Variants in FSTL5 observed in about 807,000 individuals in gnomAD.
The protein encoded by FSTL5 is follistatin like 5, also known as follistatin-related protein 5.
A neutral mutation model predicts 89.1 loss-of-function variants in FSTL5; 62 were observed. That is an observed-to-expected ratio of 0.70 (90% CI 0.57 to 0.86). The LOEUF is 0.86. Ranked by LOEUF, FSTL5 falls within the 40% of genes least tolerant of loss-of-function variation. FSTL5 has a pLI of 0.00. For missense variants in FSTL5, 1,057 were observed against 1,001.6 expected (o/e 1.06, Z -0.75); for synonymous variants, 383 against 346.2 (o/e 1.11, Z -1.18).
chr4:161,905,096 A>G (rs1733483843), intron 4 of FSTL5, among the ~76,000 whole-genome samples: 2 of 152,114 alleles, frequency 1.3e-5, no homozygotes, highest in South Asian at 4.1e-4. Flanking sequence ...CAGTTGGAAG[A>G]TATTATGCTG....
chr4:162,122,900 C>G (rs988077228), intron 1 of FSTL5, among the ~76,000 whole-genome samples: 1 of 152,072 alleles, frequency 6.6e-6, no homozygotes, highest in Non-Finnish European at 1.5e-5. Context: ...CCTTGAAGAT[C>G]TTTCCCTGGT....
chr4:161,792,276 C>T (rs1013621677), intron 4 of FSTL5, among the ~76,000 whole-genome samples: 6 of 152,098 alleles, frequency 3.9e-5, no homozygotes, highest in Non-Finnish European at 7.4e-5. Context: ...CAACAACAAG[C>T]AGGGGAAGAG....
At chr4:162,145,825 A>G (rs1732952077) in intron 1 of FSTL5, among the ~76,000 whole-genome samples, 1 of 152,184 alleles carries the variant, frequency 6.6e-6, no homozygotes. Flanking sequence ...AATGTGGTAA[A>G]GCTTAGAGTG....
chr4:161,505,474 T>C (rs1730447182), intron 11 of FSTL5, among the ~76,000 whole-genome samples: 1 of 152,188 alleles, frequency 6.6e-6, no homozygotes, highest in Non-Finnish European at 1.5e-5. Flanking sequence ...GACCACTATG[T>C]ATATTGGCCA....
Position 161,820,943 on chromosome 4 carries a change from C to CAA in FSTL5, c.410-44871_410-44870dup, listed in dbSNP as rs33975990. On this transcript the variant is annotated intron_variant, in intron 4 of 15. Coordinates refer to ENST00000306100, the MANE Select transcript of FSTL5 (RefSeq NM_020116.5). The stretch of plus-strand genomic sequence containing the variant: ...AATCAGATTTCAAAGATTGGTTGTC[C>CAA]AAAAAAAAAAAAAACCACCAAACTC... Among the ~76,000 whole-genome samples the CAA allele has an allele frequency of 3.6e-5, 5 of 138,940 alleles. No individual in the cohort carries two copies. The East Asian group carries it at 6.2e-4, about 17-fold the overall frequency. 91.2% of individuals were successfully genotyped at this position (138,940 alleles called of 152,430 possible).
intron 7 of FSTL5, among the ~76,000 whole-genome samples, chr4:161,606,678 G>C (rs1456752847): frequency 6.6e-6 from 1 of 152,064 alleles, no homozygotes; most frequent in East Asian, 1.9e-4. Flanking sequence ...ATAATGTTCA[G>C]AGTAATTCAT....
At chr4:162,015,188 C>T (rs2111141639) in intron 3 of FSTL5, among the ~76,000 whole-genome samples, 1 of 152,220 alleles carries the variant, frequency 6.6e-6, no homozygotes, top group Non-Finnish European at 1.5e-5. Context: ...TGGCAAGGGG[C>T]TATAAATGTT....
At chr4:162,154,444 C>G (rs1210253861) in intron 1 of FSTL5, among the ~76,000 whole-genome samples, 1 of 152,068 alleles carries the variant, frequency 6.6e-6, no homozygotes, top group Non-Finnish European at 1.5e-5. Context: ...TGCACTTTTC[C>G]TAAATAGCAA....
intron 3 of FSTL5, among the ~76,000 whole-genome samples, chr4:161,947,452 T>C (rs1734767961): frequency 6.6e-6 from 1 of 152,124 alleles, no homozygotes; most frequent in Admixed American, 6.5e-5. Flanking sequence ...AAATTCTTTT[T>C]TCACCCTATA....
intron 10 of FSTL5, among the ~76,000 whole-genome samples, chr4:161,527,420 T>C (rs1449400585): frequency 6.6e-6 from 1 of 152,062 alleles, no homozygotes; most frequent in African/African-American, 2.4e-5. Flanking sequence ...ATAGCCAGAA[T>C]CTACAATGAA....
At chr4:161,741,916 A>T (rs10517751) in intron 6 of FSTL5, among the ~76,000 whole-genome samples, 2,077 of 152,078 alleles carry the variant, frequency 0.014, 20 homozygotes, top group Non-Finnish European at 0.022. Context: ...TTTTTTAATA[A>T]GTAGGCAAGT....
At chr4:162,057,929 G>A (rs968425460) in intron 2 of FSTL5, among the ~76,000 whole-genome samples, 5 of 152,128 alleles carry the variant, frequency 3.3e-5, no homozygotes, top group South Asian at 4.1e-4. Context: ...GGGTAAGAGA[G>A]TGAGACTCCA....
intron 15 of FSTL5, among the ~76,000 whole-genome samples, chr4:161,392,473 C>A (rs1730852692): frequency 6.6e-6 from 1 of 152,146 alleles, no homozygotes; most frequent in Admixed American, 6.5e-5. Context: ...GATCCTCCCA[C>A]CTTGGCCTCC....
chr4:161,920,048 C>CACT (rs1226679914), intron 4 of FSTL5, among the ~76,000 whole-genome samples: 3 of 152,142 alleles, frequency 2.0e-5, no homozygotes, highest in African/African-American at 7.2e-5. Flanking sequence ...GCTTGGCACT[C>CACT]ACTAGTCCCT....
chr4:161,779,759 T>TTATATATATATATATACATA (rs1240577419), intron 4 of FSTL5, among the ~76,000 whole-genome samples: 3 of 31,184 alleles, frequency 9.6e-5, no homozygotes, highest in African/African-American at 2.1e-4. Flanking sequence ...ATTTGTAAAG[T>TTATATATATATATATACATA]TATATATATA....
At chr4:162,019,981 A>C (rs1737026234) in intron 3 of FSTL5, among the ~76,000 whole-genome samples, 1 of 150,022 alleles carries the variant, frequency 6.7e-6, no homozygotes, top group Non-Finnish European at 1.5e-5. Flanking sequence ...AGATATTCAG[A>C]AACTGCAATT....
intron 3 of FSTL5, among the ~76,000 whole-genome samples, chr4:161,962,221 T>C (rs924090245): frequency 6.6e-6 from 1 of 151,962 alleles, no homozygotes; most frequent in Non-Finnish European, 1.5e-5. Context: ...TTAAGAAAGG[T>C]CCAGATTTAC....
intron 4 of FSTL5, among the ~76,000 whole-genome samples, chr4:161,822,133 T>G (rs1028388461): frequency 7.9e-5 from 12 of 151,498 alleles, no homozygotes; most frequent in Admixed American, 4.6e-4. Flanking sequence ...CTTGCAGGAG[T>G]AAGGTGGTAT....
At chr4:162,032,545 A>G (rs2111194501) in intron 3 of FSTL5, 1 of 152,340 alleles carries the variant, frequency 6.6e-6, no homozygotes, top group African/African-American at 2.4e-5. Context: ...AAATTATTTA[A>G]AAACGCAAAT....
Sources: gnomAD v4.1 joint callset for allele counts (sites outside exome capture counted in the v4.1 genomes callset) on GRCh38, gnomAD v4.1.1 for gene constraint, MANE v1.5 for transcripts, NCBI Gene and HGNC (gene_info 2026-07-23, HGNC 2026-07-21) for gene names.